MYBL1: variants seen among roughly 807,000 people sequenced by gnomAD.
The protein encoded by MYBL1 is myb-related protein A.
Under a neutral mutation model 96.3 loss-of-function variants are expected in MYBL1, and 17 were observed. That is an observed-to-expected ratio of 0.18 (90% CI 0.12 to 0.26). The LOEUF is 0.26. Among genes scored for constraint, MYBL1 ranks in the 10% least tolerant of loss-of-function variants. MYBL1 has a pLI of 1.00. For synonymous variants in MYBL1, 282 were observed against 292.7 expected, an observed-to-expected ratio of 0.96 and a Z score of 0.37; for missense variants, 701 against 882.9, an observed-to-expected ratio of 0.79 and a Z score of 2.61.
At chr8:66,598,207 C>T (rs1268048236) in intron 4 of MYBL1, among the ~76,000 whole-genome samples, 1 of 152,058 alleles carries the variant, frequency 6.6e-6, no homozygotes, top group Non-Finnish European at 1.5e-5. Flanking sequence ...TAAACAAGAT[C>T]ACACATTTTA....
chr8:66,595,817 G>A, intron 5 of MYBL1, 60 bp from the exon 6 acceptor site: 1 of 1,148,618 alleles, frequency 8.7e-7, no homozygotes, highest in East Asian at 2.9e-5. Context: ...TCAACACTGT[G>A]TTAACTTGTA....
At chr8:66,612,053 C>G (rs1810551190) in intron 1 of MYBL1, 2 of 152,206 alleles carry the variant, frequency 1.3e-5, no homozygotes, top group Non-Finnish European at 2.9e-5. Context: ...TAAATTCATC[C>G]TAGCACATTT....
At chr8:66,572,432 T>C (rs1227934980) in intron 12 of MYBL1, 50 bp downstream of exon 12, 9 of 842,814 alleles carry the variant, frequency 1.1e-5, no homozygotes, top group Admixed American at 8.0e-5. Context: ...TCATAATTTG[T>C]GTTTTATTAA....
At position 66,580,176 on chromosome 8, in the gene MYBL1, T is replaced by A; in HGVS notation, c.1058A>T (p.Gln353Leu). The change falls in exon 9 of 16, where the codon CAG becomes CTG. Residue 353 changes from glutamine (Q) to leucine (L), a missense_variant. Gln to Leu is a moderately radical substitution (Grantham distance 113, BLOSUM62 -2). Coordinates refer to ENST00000522677, the MANE Select transcript of MYBL1 (RefSeq NM_001080416.4). ...AGTCTCTGCAAATTCTGGGATGGTC[T>A]GCAAAGAGGATAACACAGCGTTTGC... ...VEANAVLSSL[Q>L]TIPEFAETLE... 1 of 1,613,906 alleles carries A rather than the reference T, an allele frequency of 6.2e-7. No individual in the cohort carries two copies.
chr8:66,590,813 A>G (rs1466724697), intron 8 of MYBL1, among the ~76,000 whole-genome samples: 1 of 152,164 alleles, frequency 6.6e-6, no homozygotes, highest in Non-Finnish European at 1.5e-5. Flanking sequence ...AGAATACAAA[A>G]TCACAGCTAG....
chr8:66,572,794 G>C (rs1808785971), intron 11 of MYBL1, among the ~76,000 whole-genome samples, 198 bp from the exon 12 acceptor site: 1 of 151,860 alleles, frequency 6.6e-6, no homozygotes, highest in African/African-American at 2.4e-5. Context: ...TAGAAAAAAA[G>C]AATTAATATA....
At chr8:66,574,680 T>C (rs10504398) in intron 10 of MYBL1, among the ~76,000 whole-genome samples, 15,995 of 152,332 alleles carry the variant, frequency 0.11, 1,154 homozygotes, top group East Asian at 0.22. Context: ...TACTAACTGT[T>C]GCCTTTGACA....
At chr8:66,602,733 ATTTTTTTTTTTTT>A (rs143426704) in intron 1 of MYBL1, among the ~76,000 whole-genome samples, 1 of 28,172 alleles carries the variant, frequency 3.5e-5, no homozygotes, top group African/African-American at 1.8e-4. Context: ...ATATATATAT[ATTTTTTTTTTTTT>A]TTTTTTTTTT....
rs1397141835 is a variant in MYBL1 at position 66,597,423 on chromosome 8, G to C, written c.419C>G (p.Ser140Cys). The change falls in exon 5 of 16, where the codon TCT becomes TGT. Residue 140 changes from serine (S) to cysteine (C), a missense_variant. By Grantham distance (112) the Ser-to-Cys change is moderately radical. This residue lies in a region of MYBL1 where 37 missense variants were observed against 135.0 expected (regional missense o/e 0.27). Transcript: ENST00000522677. ...CCTGTCCTCCTCTTCTGTCCAGGAAGATTTCTTTACCTCAGGATTCAGATG... is the reference window on the plus strand; with the variant it reads ...CCTGTCCTCCTCTTCTGTCCAGGAACATTTCTTTACCTCAGGATTCAGATG... Reference protein sequence around the residue: ...HNHLNPEVKKSSWTEEEDRII... With the variant: ...HNHLNPEVKKCSWTEEEDRII... 3 of 1,613,018 alleles carry C rather than the reference G, an allele frequency of 1.9e-6. No homozygotes were observed. In the African/African-American group the frequency reaches 4.0e-5, roughly 22 times the overall value.
chr8:66,603,433 G>A (rs749907924), intron 1 of MYBL1, among the ~76,000 whole-genome samples: 4 of 149,372 alleles, frequency 2.7e-5, no homozygotes, highest in Non-Finnish European at 5.9e-5. Flanking sequence ...TACAGTAAGT[G>A]ACAAGACACT....
In MYBL1 at chr8:66,613,157, C is replaced by A. The variant is rs540911372; in HGVS notation, c.-319G>T. On this transcript the variant is annotated 5_prime_UTR_variant, in exon 1 of 16. Transcript: ENST00000522677. ...GCTTGTCAGCCTCCCTGCCCTGGCCCCAGCCCGGCTCCGCCACAGGCGCCC... is the reference window on the plus strand; with the variant it reads ...GCTTGTCAGCCTCCCTGCCCTGGCCACAGCCCGGCTCCGCCACAGGCGCCC... 1.2e-5 allele frequency: 5 copies of A among 401,114 alleles called. No individual in the cohort carries two copies. The highest frequency in any genetic ancestry group is 2.2e-5 in the Non-Finnish European group (5 of 226,962). 24.8% of individuals were successfully genotyped at this position (401,114 alleles called of 1,614,324 possible). A position where few individuals can be genotyped will look rare whatever the true frequency, so the allele number is the denominator to read the frequency against.
chr8:66,587,369 C>CA (rs368999381), intron 8 of MYBL1, among the ~76,000 whole-genome samples: 626 of 144,942 alleles, frequency 4.3e-3, no homozygotes, highest in African/African-American at 0.011. Flanking sequence ...ATAATAAAAG[C>CA]AAAAAAAAAA....
Position 66,573,516 on chromosome 8 carries a change from G to A in MYBL1, c.1471-10C>T, listed in dbSNP as rs1586557422. ...GACATGTGTTGAAAAACTAGAAAGG[G>A]AAGAGAGTTTAAAGACGACTTCTAG... On this transcript the variant is annotated splice_polypyrimidine_tract_variant and intron_variant, in intron 10 of 15. Transcript: ENST00000522677. The A allele has an allele frequency of 6.3e-7, 1 of 1,587,468 alleles. No individual in the cohort carries two copies. Among genetic ancestry groups the A allele is most frequent in the Middle Eastern group, 1.7e-4 (1 of 5,748 alleles).
At position 66,580,027 on chromosome 8, in the gene MYBL1, A is replaced by G; in HGVS notation, c.1101+106T>C. ...GCAAAATATCAGAACAAAATTAAGC[A>G]TGGCATACAAAACATAAAACTGGTC... is the stretch of plus-strand genomic sequence containing the variant. On this transcript the variant is annotated intron_variant, in intron 9 of 15. Transcript: ENST00000522677. The G allele has an allele frequency of 3.5e-5, 28 of 798,508 alleles. No homozygotes were observed. The South Asian group carries it at 5.3e-4, about 15-fold the overall frequency. The allele number at this position is 798,508 out of a possible 1,614,324, so 49.5% of individuals were successfully genotyped here. A position where few individuals can be genotyped will look rare whatever the true frequency, so the allele number is the denominator to read the frequency against.
At chr8:66,594,043 G>A (rs1164573232) in intron 6 of MYBL1, among the ~76,000 whole-genome samples, 1 of 152,064 alleles carries the variant, frequency 6.6e-6, no homozygotes, top group East Asian at 1.9e-4. Flanking sequence ...GGCCGAAGCA[G>A]GAGGATCACA....
chr8:66,605,641 T>G (rs1810281572), intron 1 of MYBL1, among the ~76,000 whole-genome samples: 1 of 151,840 alleles, frequency 6.6e-6, no homozygotes, highest in Admixed American at 6.6e-5. Flanking sequence ...GCCAACATGG[T>G]GAAACCCCTA....
chr8:66,605,386 C>G (rs985375309), intron 1 of MYBL1, among the ~76,000 whole-genome samples: 4 of 152,066 alleles, frequency 2.6e-5, no homozygotes, highest in Admixed American at 6.6e-5. Flanking sequence ...CAAAGAATAG[C>G]TGAGGGCACA....
chr8:66,603,323 G>T (rs1355594404), intron 1 of MYBL1, among the ~76,000 whole-genome samples: 1 of 151,994 alleles, frequency 6.6e-6, no homozygotes, highest in East Asian at 1.9e-4. Context: ...CTGACAAATG[G>T]TAATGGTAAA....
chr8:66,591,894 C>A (rs918863602), intron 8 of MYBL1, among the ~76,000 whole-genome samples: 1 of 151,978 alleles, frequency 6.6e-6, no homozygotes, highest in East Asian at 1.9e-4. Flanking sequence ...TACTTTACAT[C>A]TGCTTTGCAT....
Sources: allele counts gnomAD v4.1 joint callset (sites outside exome capture counted in the v4.1 genomes callset), GRCh38; gene constraint gnomAD v4.1.1; regional missense constraint gnomAD v4.1.1; transcripts MANE v1.5; gene names NCBI Gene and HGNC (gene_info 2026-07-23, HGNC 2026-07-21).